Variants in SLC9A9 observed in about 807,000 individuals in gnomAD.
SLC9A9 encodes sodium/hydrogen exchanger 9.
In SLC9A9, 62 loss-of-function variants were observed where a neutral mutation model predicts 77.8. The ratio of observed to expected loss-of-function variants is 0.80; its 90% confidence interval spans 0.65 to 0.98. The LOEUF (loss-of-function observed/expected upper bound fraction) is 0.98, where lower values mean the gene tolerates loss of function less well. Ranked by LOEUF, SLC9A9 falls within the 50% of genes least tolerant of loss-of-function variation. The probability of loss-of-function intolerance (pLI) is 0.00; values close to 1 mark genes in which losing one functional copy is unlikely to be tolerated. For synonymous variants in SLC9A9, 320 were observed against 283.5 expected, an observed-to-expected ratio of 1.13 and a Z score of -1.29; for missense variants, 775 against 774.9, an observed-to-expected ratio of 1.00 and a Z score of 0.00.
intron 6 of SLC9A9, among the ~76,000 whole-genome samples, chr3:143,646,377 C>T (rs116797258): frequency 0.11 from 16,840 of 147,566 alleles, 1,200 homozygotes; most frequent in African/African-American, 0.19. Context: ...ATTTTAGGTG[C>T]ATTTGCACAT....
intron 2 of SLC9A9, among the ~76,000 whole-genome samples, chr3:143,828,161 T>C (rs2009346610): frequency 6.6e-6 from 1 of 152,210 alleles, no homozygotes; most frequent in Non-Finnish European, 1.5e-5. Context: ...TGGACATTAA[T>C]GTATTATCCA....
At chr3:143,489,500 A>G (rs1331874344) in intron 11 of SLC9A9, among the ~76,000 whole-genome samples, 1 of 151,980 alleles carries the variant, frequency 6.6e-6, no homozygotes, top group Non-Finnish European at 1.5e-5. Flanking sequence ...AGCTACAGTA[A>G]TCAAAGCAAT....
intron 4 of SLC9A9, among the ~76,000 whole-genome samples, chr3:143,722,401 A>C (rs975374766): frequency 7.6e-5 from 10 of 132,266 alleles, no homozygotes; most frequent in African/African-American, 2.8e-4. Flanking sequence ...TGAACCAGGG[A>C]GGCGGAGCTT....
intron 13 of SLC9A9, among the ~76,000 whole-genome samples, chr3:143,365,726 G>A (rs1227143678): frequency 6.6e-6 from 1 of 152,132 alleles, no homozygotes; most frequent in East Asian, 1.9e-4. Context: ...CTTTCTCAAA[G>A]CATTTCTACC....
intron 4 of SLC9A9, among the ~76,000 whole-genome samples, chr3:143,696,515 C>A (rs181142588): frequency 8.5e-5 from 13 of 152,308 alleles, no homozygotes; most frequent in Non-Finnish European, 1.8e-4. Context: ...CTGGGACATT[C>A]TGGACAGTCA....
intron 10 of SLC9A9, among the ~76,000 whole-genome samples, 158 bp from the exon 11 acceptor site, chr3:143,493,922 T>C (rs2035791557): frequency 6.6e-6 from 1 of 152,218 alleles, no homozygotes; most frequent in South Asian, 2.1e-4. Context: ...CTTCCAAAAT[T>C]TATATTTCAA....
intron 9 of SLC9A9, among the ~76,000 whole-genome samples, chr3:143,498,513 C>G (rs1323574361): frequency 2.6e-5 from 4 of 151,682 alleles, no homozygotes; most frequent in African/African-American, 9.7e-5. Context: ...GAGATCACAC[C>G]ACTGCACTCC....
At chr3:143,330,839 A>G (rs898620200) in intron 14 of SLC9A9, among the ~76,000 whole-genome samples, 3 of 152,252 alleles carry the variant, frequency 2.0e-5, no homozygotes, top group Admixed American at 2.0e-4. Context: ...CATGAAAAGC[A>G]CTTTATGAGG....
chr3:143,707,439 CAAGT>C (rs1192699722), intron 4 of SLC9A9, among the ~76,000 whole-genome samples: 1 of 151,734 alleles, frequency 6.6e-6, no homozygotes, highest in Non-Finnish European at 1.5e-5. Context: ...ATTTTATAAA[CAAGT>C]AAACCCAGCA....
intron 12 of SLC9A9, among the ~76,000 whole-genome samples, chr3:143,423,720 A>T (rs1429923135): frequency 3.3e-5 from 5 of 152,214 alleles, no homozygotes; most frequent in African/African-American, 1.2e-4. Flanking sequence ...CCTTTCTACA[A>T]AATACTTATT....
At chr3:143,659,735 C>G (rs934149864) in intron 5 of SLC9A9, among the ~76,000 whole-genome samples, 1 of 152,138 alleles carries the variant, frequency 6.6e-6, no homozygotes. Context: ...GAATATGTTG[C>G]CTTGCATGCC....
chr3:143,313,180 A>T (rs1242899930), intron 14 of SLC9A9: 1 of 152,242 alleles, frequency 6.6e-6, no homozygotes, highest in East Asian at 1.9e-4. Flanking sequence ...GGCTGTGGCC[A>T]CTTCCGTGGT....
At chr3:143,818,341 C>G (rs55654258) in intron 2 of SLC9A9, among the ~76,000 whole-genome samples, 40,030 of 152,018 alleles carry the variant, frequency 0.26, 5,273 homozygotes, top group South Asian at 0.36. Flanking sequence ...GAGTCTTGCT[C>G]TGTTGCCCAG....
intron 4 of SLC9A9, among the ~76,000 whole-genome samples, chr3:143,722,143 G>A (rs529246556): frequency 3.0e-4 from 45 of 152,202 alleles, no homozygotes; most frequent in Admixed American, 9.8e-4. Context: ...AGCACTCCCC[G>A]TTCTTCTTAA....
chr3:143,831,241 G>A (rs2009427454), intron 2 of SLC9A9, among the ~76,000 whole-genome samples: 2 of 152,206 alleles, frequency 1.3e-5, no homozygotes, highest in South Asian at 4.1e-4. Context: ...AGTGATGTGA[G>A]ATCCTGGTTC....
intron 2 of SLC9A9, among the ~76,000 whole-genome samples, chr3:143,807,697 A>T (rs2008759495): frequency 6.6e-6 from 1 of 152,216 alleles, no homozygotes. Flanking sequence ...GTAAGCCGAG[A>T]TGGCGCCATT....
intron 6 of SLC9A9, chr3:143,627,529 G>T: frequency 6.8e-6 from 2 of 293,794 alleles, no homozygotes; most frequent in South Asian, 4.3e-5. Flanking sequence ...ATGCAGAGGC[G>T]GTGACTCGCA....
At chr3:143,769,952 A>G (rs1425849465) in intron 4 of SLC9A9, among the ~76,000 whole-genome samples, 1 of 152,216 alleles carries the variant, frequency 6.6e-6, no homozygotes, top group Non-Finnish European at 1.5e-5. Flanking sequence ...TCTGAATGCA[A>G]TAAGTATGAG....
chr3:143,293,874 A>G (rs2030127778), intron 14 of SLC9A9, among the ~76,000 whole-genome samples: 1 of 152,220 alleles, frequency 6.6e-6, no homozygotes, highest in South Asian at 2.1e-4. Flanking sequence ...ATGTCTCTGT[A>G]ACCCTTGCAG....
Sources: allele counts gnomAD v4.1 joint callset (sites outside exome capture counted in the v4.1 genomes callset), GRCh38; gene constraint gnomAD v4.1.1; transcripts MANE v1.5; gene names NCBI Gene and HGNC (gene_info 2026-07-23, HGNC 2026-07-21).